PACSIN1: variants seen among roughly 807,000 people sequenced by gnomAD.
PACSIN1 encodes the protein protein kinase C and casein kinase substrate in neurons protein 1.
PACSIN1 carries 15 observed loss-of-function variants against 59.5 expected under a neutral mutation model. The ratio of observed to expected loss-of-function variants is 0.25; its 90% CI spans 0.17 to 0.39. The LOEUF (loss-of-function observed/expected upper bound fraction) is 0.39, where lower values mean the gene tolerates loss of function less well. PACSIN1 is among the 10% of genes least tolerant of loss of function. The pLI, the probability that PACSIN1 is intolerant of heterozygous loss-of-function variation, is 1.00. For missense variants in PACSIN1, 420 were observed against 580.2 expected (o/e 0.72, Z 2.84); for synonymous variants, 210 against 220.6 (o/e 0.95, Z 0.42).
chr6:34,520,856 G>A (rs1315378691), intron 1 of PACSIN1, among the ~76,000 whole-genome samples: 4 of 152,034 alleles, frequency 2.6e-5, no homozygotes, highest in African/African-American at 9.7e-5. Flanking sequence ...GGTGGGACTC[G>A]GGACCCCCTC....
At chr6:34,479,999 T>C (rs1471733545) in intron 1 of PACSIN1, among the ~76,000 whole-genome samples, 1 of 150,502 alleles carries the variant, frequency 6.6e-6, no homozygotes, top group Admixed American at 6.6e-5. Flanking sequence ...CTAATTTTTG[T>C]ATTTTTAATG....
intron 1 of PACSIN1, among the ~76,000 whole-genome samples, chr6:34,489,752 G>A (rs558759710): frequency 3.3e-5 from 5 of 152,338 alleles, no homozygotes; most frequent in South Asian, 4.1e-4. Context: ...AGGGGGCCAC[G>A]ATGCCTCTTT....
intron 1 of PACSIN1, among the ~76,000 whole-genome samples, chr6:34,467,464 G>T (rs1171242580): frequency 6.6e-6 from 1 of 152,090 alleles, no homozygotes; most frequent in African/African-American, 2.4e-5. Context: ...GAGGGAGGGG[G>T]TCGAGCCCCT....
chr6:34,481,340 G>A (rs927355880), intron 1 of PACSIN1, among the ~76,000 whole-genome samples: 7 of 152,262 alleles, frequency 4.6e-5, no homozygotes, highest in Admixed American at 6.5e-5. Flanking sequence ...GCAAGCCACC[G>A]CGCCTGGCTT....
intron 1 of PACSIN1, among the ~76,000 whole-genome samples, chr6:34,486,261 T>C (rs1018102465): frequency 4.0e-4 from 61 of 152,080 alleles, no homozygotes; most frequent in African/African-American, 1.4e-3. Flanking sequence ...TGCCTCCCTT[T>C]TTCTCAGAGC....
intron 1 of PACSIN1, among the ~76,000 whole-genome samples, chr6:34,509,869 A>C (rs184089914): frequency 6.6e-6 from 1 of 152,318 alleles, no homozygotes; most frequent in East Asian, 1.9e-4. Flanking sequence ...AAATTCAGAA[A>C]TTTTAGAAAA....
chr6:34,527,206 G>T, intron 2 of PACSIN1, 126 bp from the exon 3 acceptor site: 1 of 979,442 alleles, frequency 1.0e-6, no homozygotes, highest in Non-Finnish European at 1.4e-6. Context: ...GGGCGGGGGC[G>T]GGGACGGCGA....
intron 1 of PACSIN1, among the ~76,000 whole-genome samples, chr6:34,499,611 T>G (rs548884171): frequency 4.3e-4 from 66 of 151,940 alleles, no homozygotes; most frequent in Non-Finnish European, 7.4e-4. Flanking sequence ...CTGGCCAACA[T>G]GGTGAAACCC....
chr6:34,480,350 G>A (rs775506974), intron 1 of PACSIN1, among the ~76,000 whole-genome samples: 34 of 147,868 alleles, frequency 2.3e-4, no homozygotes, highest in African/African-American at 8.3e-4. Context: ...TCAGCCTCTC[G>A]AGTGGCTGGG....
In PACSIN1 at chr6:34,496,389, G is replaced by A. The variant is rs147423869; in HGVS notation, c.-63-29854G>A. On this transcript the variant is annotated intron_variant, in intron 1 of 9. Transcript: ENST00000244458. ...ACTGGGCTGCAGGCCCAGGCTGAGG[G>A]GGGTGGGGGCTGAGGTCTTCTGGGG... Among the ~76,000 whole-genome samples the A allele has an allele frequency of 2.4e-3, 361 of 152,296 alleles. 6 individuals are homozygous for A. Among genetic ancestry groups the A allele is most frequent in the East Asian group, 8.9e-3 (46 of 5,166 alleles).
At chr6:34,490,740 G>A (rs1766864207) in intron 1 of PACSIN1, among the ~76,000 whole-genome samples, 1 of 152,156 alleles carries the variant, frequency 6.6e-6, no homozygotes, top group Admixed American at 6.5e-5. Flanking sequence ...GATAGTGAGT[G>A]GGTTTCTGGC....
At chr6:34,501,253 T>TA (rs1309415999) in intron 1 of PACSIN1, among the ~76,000 whole-genome samples, 4 of 152,206 alleles carry the variant, frequency 2.6e-5, no homozygotes, top group African/African-American at 7.2e-5. Context: ...CTCCAATTTT[T>TA]AAAAAAATTA....
intron 1 of PACSIN1, among the ~76,000 whole-genome samples, chr6:34,520,875 T>C (rs1767379941): frequency 6.6e-6 from 1 of 152,148 alleles, no homozygotes; most frequent in African/African-American, 2.4e-5. Flanking sequence ...TCCTGGCTCC[T>C]GGCTCCTGGT....
chr6:34,489,771 A>G (rs1351251353), intron 1 of PACSIN1, among the ~76,000 whole-genome samples: 2 of 152,342 alleles, frequency 1.3e-5, no homozygotes, highest in East Asian at 3.9e-4. Flanking sequence ...TTGGGTCCCC[A>G]GACCAATGTC....
chr6:34,471,778 G>C (rs370073237), intron 1 of PACSIN1, among the ~76,000 whole-genome samples: 84 of 152,324 alleles, frequency 5.5e-4, no homozygotes, highest in African/African-American at 1.8e-3. Flanking sequence ...AGGGTGCAAA[G>C]ATTAGCTGGG....
intron 1 of PACSIN1, among the ~76,000 whole-genome samples, chr6:34,501,277 G>A (rs1767018801): frequency 6.6e-6 from 1 of 152,234 alleles, no homozygotes; most frequent in Admixed American, 6.5e-5. Context: ...AGCGTGTATA[G>A]TTTGGTAGAC....
chr6:34,477,973 C>T (rs1215365799), intron 1 of PACSIN1, among the ~76,000 whole-genome samples: 3 of 146,754 alleles, frequency 2.0e-5, no homozygotes, highest in Non-Finnish European at 4.5e-5. Flanking sequence ...GGCTGGTCTT[C>T]AACTCCTGGG....
Position 34,514,130 on chromosome 6 carries a change from A to G in PACSIN1, c.-63-12113A>G, listed in dbSNP as rs140451569. Among the ~76,000 whole-genome samples the G allele has an allele frequency of 1.2e-3, 180 of 152,360 alleles. 1 individual carries two copies. The highest frequency in any genetic ancestry group is 2.2e-3 in the Non-Finnish European group (149 of 68,038). On this transcript the variant is annotated intron_variant, in intron 1 of 9. Coordinates refer to ENST00000244458, the MANE Select transcript of PACSIN1 (RefSeq NM_020804.5). This position sits in a 1 kb window ranked among gnomAD's most constrained non-coding sequence, Gnocchi z 4.4. The stretch of plus-strand genomic sequence containing the variant: ...TGTGGAAATGCATGTGTGCAAATAT[A>G]TGTAATGGGCGTTTGTATCTGTAAG...
chr6:34,477,666 C>G (rs902814859), intron 1 of PACSIN1, among the ~76,000 whole-genome samples: 1 of 152,222 alleles, frequency 6.6e-6, no homozygotes, highest in African/African-American at 2.4e-5. Flanking sequence ...CTACAAAGAA[C>G]TATTCCTCTT....
Sources: allele counts gnomAD v4.1 joint callset (sites outside exome capture counted in the v4.1 genomes callset), GRCh38; gene constraint gnomAD v4.1.1; non-coding constraint Gnocchi (gnomAD v3.1); transcripts MANE v1.5; gene names NCBI Gene and HGNC (gene_info 2026-07-23, HGNC 2026-07-21).